RYR2: variants seen among roughly 807,000 people sequenced by gnomAD.
RYR2 encodes cardiac muscle ryanodine receptor-calcium release channel.
A neutral mutation model predicts 601.1 loss-of-function variants in RYR2; 227 were observed. The observed-to-expected ratio is 0.38, with a 90% CI of 0.34 to 0.42. The LOEUF (loss-of-function observed/expected upper bound fraction) is 0.42. Among genes scored for constraint, RYR2 ranks in the 10% least tolerant of loss-of-function variants. RYR2 has a pLI of 1.00. For synonymous variants in RYR2, 2,223 were observed against 2,175.1 expected, an observed-to-expected ratio of 1.02 and a Z score of -0.61; for missense variants, 4,646 against 6,156.5, an observed-to-expected ratio of 0.75 and a Z score of 8.21.
At chr1:237,570,330 T>C (rs1228130188) in intron 29 of RYR2, among the ~76,000 whole-genome samples, 3 of 141,654 alleles carry the variant, frequency 2.1e-5, no homozygotes, top group Admixed American at 1.6e-4. Context: ...ATATTTAAGT[T>C]AGTTTGAATT....
chr1:237,046,621 C>G (rs1440463486), intron 1 of RYR2, among the ~76,000 whole-genome samples: 1 of 152,172 alleles, frequency 6.6e-6, no homozygotes, highest in African/African-American at 2.4e-5. Flanking sequence ...GCAGGAAGGG[C>G]AAGATCTAAA....
At chr1:237,594,454 T>C (rs1175108014) in intron 33 of RYR2, among the ~76,000 whole-genome samples, 1 of 152,164 alleles carries the variant, frequency 6.6e-6, no homozygotes, top group Non-Finnish European at 1.5e-5. Flanking sequence ...AAATCTCTAA[T>C]GAAGAGCTCT....
At chr1:237,433,243 A>T (rs933286100) in intron 12 of RYR2, among the ~76,000 whole-genome samples, 3 of 152,088 alleles carry the variant, frequency 2.0e-5, no homozygotes, top group African/African-American at 7.2e-5. Context: ...TAAGTTACAA[A>T]GCACAAATAG....
intron 63 of RYR2, among the ~76,000 whole-genome samples, chr1:237,697,830 T>A (rs1306363504): frequency 6.6e-6 from 1 of 152,086 alleles, no homozygotes; most frequent in Non-Finnish European, 1.5e-5. Flanking sequence ...GCTCATTTTG[T>A]CTTCATTATT....
chr1:237,716,003 T>C (rs938481351), intron 71 of RYR2, among the ~76,000 whole-genome samples: 10 of 152,154 alleles, frequency 6.6e-5, no homozygotes, highest in African/African-American at 2.4e-4. Context: ...TACAAGTTGG[T>C]ATGTATAAAA....
intron 1 of RYR2, among the ~76,000 whole-genome samples, chr1:237,255,509 CA>C (rs549951768): frequency 2.0e-5 from 3 of 152,138 alleles, no homozygotes; most frequent in Admixed American, 6.5e-5. Flanking sequence ...AACATAGGAA[CA>C]AAAAAATTTC....
intron 1 of RYR2, among the ~76,000 whole-genome samples, chr1:237,158,016 A>G (rs1675589987): frequency 6.6e-6 from 1 of 152,224 alleles, no homozygotes; most frequent in Non-Finnish European, 1.5e-5. Flanking sequence ...ATGTACAACT[A>G]TTATGTATCC....
chr1:237,759,806 G>T lies in RYR2; in HGVS notation c.11356G>T (p.Asp3786Tyr). The T allele has an allele frequency of 1.2e-6, 2 of 1,613,250 alleles. No homozygotes were observed. Among genetic ancestry groups the T allele is most frequent in the Non-Finnish European group, 1.7e-6 (2 of 1,179,398 alleles). ...GCTTGACTACCTCAAGGAGAAAAAG[G>T]ATGTGGGCTTCTTTCAGAGCCTGGC... ...KMLDYLKEKK[D>Y]VGFFQSLAGL... Residue 3786 changes from aspartate (D) to tyrosine (Y), a missense_variant, in exon 83 of 105, where the codon GAT (aspartate) becomes TAT (tyrosine). Coordinates refer to ENST00000366574, the MANE Select transcript of RYR2 (RefSeq NM_001035.3).
intron 10 of RYR2, among the ~76,000 whole-genome samples, chr1:237,397,814 C>T (rs191685981): frequency 6.0e-5 from 9 of 151,166 alleles, no homozygotes; most frequent in African/African-American, 9.7e-5. Flanking sequence ...CTCCGCCTCC[C>T]AGGTTCACGC....
At chr1:237,411,619 G>C (rs1342371235) in intron 10 of RYR2, among the ~76,000 whole-genome samples, 1 of 152,112 alleles carries the variant, frequency 6.6e-6, no homozygotes, top group South Asian at 2.1e-4. Flanking sequence ...ACTTTTCCAA[G>C]TGGTCTACGT....
At chr1:237,050,778 A>G (rs1661161929) in intron 1 of RYR2, among the ~76,000 whole-genome samples, 1 of 152,352 alleles carries the variant, frequency 6.6e-6, no homozygotes, top group Middle Eastern at 3.4e-3. Flanking sequence ...GTCAATTGGG[A>G]TATTGTTAAA....
At chr1:237,175,968 A>T (rs1484484152) in intron 1 of RYR2, among the ~76,000 whole-genome samples, 1 of 152,068 alleles carries the variant, frequency 6.6e-6, no homozygotes, top group Non-Finnish European at 1.5e-5. Flanking sequence ...GCGGTGGCTC[A>T]TGCCTGTCAT....
intron 23 of RYR2, 115 bp from the exon 24 acceptor site, chr1:237,511,573 A>G (rs1665904248): frequency 1.3e-6 from 1 of 762,632 alleles, no homozygotes; most frequent in East Asian, 2.7e-5. Context: ...TGCAGGGGTA[A>G]TGATCTGGGT....
At chr1:237,651,705 A>G (rs566822082) in intron 51 of RYR2, among the ~76,000 whole-genome samples, 1 of 152,288 alleles carries the variant, frequency 6.6e-6, no homozygotes, top group African/African-American at 2.4e-5. Context: ...CTTAACATTG[A>G]TTTCCATGGA....
intron 1 of RYR2, among the ~76,000 whole-genome samples, chr1:237,146,251 G>A (rs1214460982): frequency 1.3e-5 from 2 of 152,154 alleles, no homozygotes; most frequent in Non-Finnish European, 2.9e-5. Context: ...ACCTTACTTC[G>A]TTGATTCCAG....
chr1:237,771,823 C>A (rs2149313912), intron 85 of RYR2, among the ~76,000 whole-genome samples, 189 bp from the exon 86 acceptor site: 1 of 152,158 alleles, frequency 6.6e-6, no homozygotes, highest in South Asian at 2.1e-4. Context: ...ATGGAGCACC[C>A]AGATACACTT....
chr1:237,607,144 A>G (rs1677217372), intron 35 of RYR2, among the ~76,000 whole-genome samples: 1 of 152,202 alleles, frequency 6.6e-6, no homozygotes, highest in African/African-American at 2.4e-5. Context: ...TTGTGGCATT[A>G]TTTACAATAT....
chr1:237,065,971 G>A (rs1162178527), intron 1 of RYR2, among the ~76,000 whole-genome samples: 1 of 152,140 alleles, frequency 6.6e-6, no homozygotes, highest in East Asian at 1.9e-4. Flanking sequence ...TAGCACCGAG[G>A]GGGAAATCCC....
chr1:237,593,466 A>C lies in RYR2; in HGVS notation c.4276-10A>C. ...TACTTTGCCAATATTTGGTTCTGCTATCTTCACAGTACTATTACTCAGTGA... is the reference window on the plus strand; with the variant it reads ...TACTTTGCCAATATTTGGTTCTGCTCTCTTCACAGTACTATTACTCAGTGA... On this transcript the variant is annotated splice_polypyrimidine_tract_variant and intron_variant, in intron 32 of 104. Transcript: ENST00000366574. 6.3e-7 allele frequency: 1 copy of C among 1,589,880 alleles called. No individual in the cohort carries two copies. The highest frequency in any genetic ancestry group is 8.6e-7 in the Non-Finnish European group (1 of 1,168,070).
Sources: gnomAD v4.1 joint callset for allele counts (sites outside exome capture counted in the v4.1 genomes callset) on GRCh38, gnomAD v4.1.1 for gene constraint, MANE v1.5 for transcripts, NCBI Gene and HGNC (gene_info 2026-07-23, HGNC 2026-07-21) for gene names.